The following PLCB4 variants were observed in gnomAD, a reference collection of about 807,000 sequenced individuals.
The protein encoded by PLCB4 is 1-phosphatidylinositol 4,5-bisphosphate phosphodiesterase beta-4.
A neutral mutation model predicts 178.8 loss-of-function variants in PLCB4; 77 were observed. The ratio of observed to expected loss-of-function variants is 0.43; its 90% confidence interval spans 0.36 to 0.52. The LOEUF (loss-of-function observed/expected upper bound fraction) is 0.52, where lower values mean the gene tolerates loss of function less well. Ranked by LOEUF, PLCB4 falls within the 20% of genes least tolerant of loss-of-function variation. The pLI, the probability that PLCB4 is intolerant of heterozygous loss-of-function variation, is 0.00. For synonymous variants in PLCB4, 496 were observed against 490.8 expected, an observed-to-expected ratio of 1.01 and a Z score of -0.14; for missense variants, 1,024 against 1,453.4, an observed-to-expected ratio of 0.70 and a Z score of 4.80.
chr20:9,265,371 T>C (rs2094339136), intron 3 of PLCB4, among the ~76,000 whole-genome samples: 1 of 152,124 alleles, frequency 6.6e-6, no homozygotes, highest in Admixed American at 6.5e-5. Flanking sequence ...TAATCCCTGC[T>C]ACTCGGGAGG....
At chr20:9,265,692 T>A (rs1467249977) in intron 3 of PLCB4, among the ~76,000 whole-genome samples, 1 of 152,208 alleles carries the variant, frequency 6.6e-6, no homozygotes. Flanking sequence ...AGAATATTAA[T>A]CTCAGGTCCT....
chr20:9,406,896 A>G (rs1406353283), intron 21 of PLCB4, among the ~76,000 whole-genome samples: 1 of 152,238 alleles, frequency 6.6e-6, no homozygotes, highest in Non-Finnish European at 1.5e-5. Context: ...GTTCTCAGCA[A>G]AAATATTGAT....
intron 2 of PLCB4, among the ~76,000 whole-genome samples, chr20:9,160,681 G>A (rs551712181): frequency 2.0e-5 from 3 of 152,286 alleles, no homozygotes; most frequent in South Asian, 2.1e-4. Context: ...TCTAGACCGA[G>A]GTAATGGTGG....
At chr20:9,128,037 G>A (rs559589708) in intron 2 of PLCB4, among the ~76,000 whole-genome samples, 1 of 152,228 alleles carries the variant, frequency 6.6e-6, no homozygotes, top group South Asian at 2.1e-4. Flanking sequence ...CAAATCTCAT[G>A]TTGAAATGTA....
At chr20:9,400,585 C>T (rs542303334) in intron 19 of PLCB4, among the ~76,000 whole-genome samples, 19 of 152,196 alleles carry the variant, frequency 1.2e-4, no homozygotes, top group African/African-American at 4.3e-4. Flanking sequence ...CCCTCATGCC[C>T]TGTGGTGTGA....
chr20:9,393,714 C>T, intron 18 of PLCB4, 36 bp downstream of exon 18: 1 of 1,271,628 alleles, frequency 7.9e-7, no homozygotes, highest in Non-Finnish European at 1.1e-6. Context: ...TGGAAGCATA[C>T]ATAACATGTG....
intron 36 of PLCB4, among the ~76,000 whole-genome samples, chr20:9,470,409 A>G (rs1214492726): frequency 6.6e-6 from 1 of 152,164 alleles, no homozygotes; most frequent in African/African-American, 2.4e-5. Flanking sequence ...GGCCTTATAT[A>G]CATGGAAATG....
intron 2 of PLCB4, among the ~76,000 whole-genome samples, chr20:9,184,274 A>G (rs1421228500): frequency 6.6e-6 from 1 of 152,174 alleles, no homozygotes; most frequent in Admixed American, 6.5e-5. Context: ...AGCTTCTTTT[A>G]TGGCTTTATT....
At chr20:9,224,071 G>A (rs911063528) in intron 3 of PLCB4, among the ~76,000 whole-genome samples, 2 of 152,206 alleles carry the variant, frequency 1.3e-5, no homozygotes, top group African/African-American at 4.8e-5. Context: ...AAAGCAAAAT[G>A]GCGTCTGCCC....
intron 2 of PLCB4, among the ~76,000 whole-genome samples, chr20:9,131,170 A>G (rs2092262938): frequency 6.6e-6 from 1 of 152,110 alleles, no homozygotes; most frequent in African/African-American, 2.4e-5. Context: ...CTGTTTAGCT[A>G]GTAATCTTTC....
intron 6 of PLCB4, 23 bp from the exon 7 acceptor site, chr20:9,338,871 T>C (rs1202893739): frequency 6.3e-7 from 1 of 1,591,682 alleles, no homozygotes; most frequent in Non-Finnish European, 8.6e-7. Context: ...TATTTTTTTT[T>C]CTATCTGTGT....
At position 9,459,618 on chromosome 20, in the gene PLCB4, C is replaced by T; in HGVS notation, c.3073-17C>T. 6.3e-7 allele frequency: 1 copy of T among 1,579,158 alleles called. No individual in the cohort carries two copies. The highest frequency in any genetic ancestry group is 8.7e-7 in the Non-Finnish European group (1 of 1,152,134). On this transcript the variant is annotated splice_polypyrimidine_tract_variant and intron_variant, in intron 34 of 39. Coordinates refer to ENST00000378473, the MANE Select transcript of PLCB4 (RefSeq NM_001377142.1). The stretch of plus-strand genomic sequence containing the variant: ...CTATGAGGATTACAATGGCACCGTC[C>T]CCTTTTTCCCAAACAGGTCAAAGAG...
intron 1 of PLCB4, among the ~76,000 whole-genome samples, chr20:9,071,520 G>GT (rs2089573087): frequency 1.3e-5 from 2 of 152,154 alleles, no homozygotes; most frequent in Admixed American, 6.6e-5. Context: ...GTGAAAGGAT[G>GT]TAACAATATA....
chr20:9,357,054 A>C (rs1209744819), intron 7 of PLCB4, among the ~76,000 whole-genome samples: 1 of 152,150 alleles, frequency 6.6e-6, no homozygotes, highest in Admixed American at 6.5e-5. Flanking sequence ...AGGTCAAGGC[A>C]GCAGTGAGCC....
At chr20:9,284,129 G>A (rs528060334) in intron 3 of PLCB4, among the ~76,000 whole-genome samples, 2 of 152,138 alleles carry the variant, frequency 1.3e-5, no homozygotes, top group African/African-American at 4.8e-5. Flanking sequence ...TTGTTGATGT[G>A]TGTTACGTAG....
intron 2 of PLCB4, among the ~76,000 whole-genome samples, chr20:9,101,533 A>G (rs1258874950): frequency 6.6e-6 from 1 of 152,158 alleles, no homozygotes; most frequent in South Asian, 2.1e-4. Flanking sequence ...AGGTTCTATT[A>G]TGTTAACTCT....
chr20:9,082,137 G>A (rs1238133291), intron 1 of PLCB4, among the ~76,000 whole-genome samples: 2 of 151,906 alleles, frequency 1.3e-5, no homozygotes, highest in African/African-American at 4.8e-5. Context: ...TTCAAACTTG[G>A]TTGGAAATTT....
intron 3 of PLCB4, among the ~76,000 whole-genome samples, chr20:9,233,737 G>A (rs554454988): frequency 4.6e-5 from 7 of 152,294 alleles, no homozygotes; most frequent in Non-Finnish European, 7.4e-5. Flanking sequence ...TGGCCAGTGG[G>A]GAGCAAGTGG....
chr20:9,195,140 T>G (rs2093455728), intron 2 of PLCB4, among the ~76,000 whole-genome samples: 1 of 152,204 alleles, frequency 6.6e-6, no homozygotes, highest in South Asian at 2.1e-4. Flanking sequence ...AACTGCAGTT[T>G]GCATCAACTT....
Sources: gnomAD v4.1 joint callset for allele counts (sites outside exome capture counted in the v4.1 genomes callset) on GRCh38, gnomAD v4.1.1 for gene constraint, MANE v1.5 for transcripts, NCBI Gene and HGNC (gene_info 2026-07-23, HGNC 2026-07-21) for gene names.